Variants in CSMD1 observed in about 807,000 individuals in gnomAD.
CSMD1 encodes CUB and sushi domain-containing protein 1.
In CSMD1, 213 loss-of-function variants were observed where a neutral mutation model predicts 417.5. That is an observed-to-expected ratio of 0.51 (90% CI 0.46 to 0.57). CSMD1 has a LOEUF of 0.57. CSMD1 is among the 20% of genes least tolerant of loss of function. CSMD1 has a pLI of 0.00. For missense variants in CSMD1, 6,923 were observed against 4,529.7 expected, an observed-to-expected ratio of 1.53 and a Z score of -15.17; for synonymous variants, 2,862 against 1,736.8, an observed-to-expected ratio of 1.65 and a Z score of -16.11.
At chr8:4,008,583 ATTTTCTTTCTTTTTTTC>A (rs1410598470) in intron 4 of CSMD1, among the ~76,000 whole-genome samples, 19 of 90,436 alleles carry the variant, frequency 2.1e-4, no homozygotes, top group African/African-American at 7.6e-4. Context: ...ATGATTCAGT[ATTTTCTTTCTTTTTTTC>A]TTTTTTTTTT....
intron 3 of CSMD1, among the ~76,000 whole-genome samples, chr8:4,369,772 T>C (rs1802295145): frequency 6.6e-6 from 1 of 152,206 alleles, no homozygotes; most frequent in Non-Finnish European, 1.5e-5. Context: ...TTTGTTCATT[T>C]TCTGTTTGCC....
At chr8:3,818,129 A>G (rs1205398942) in intron 5 of CSMD1, among the ~76,000 whole-genome samples, 1 of 152,074 alleles carries the variant, frequency 6.6e-6, no homozygotes, top group African/African-American at 2.4e-5. Flanking sequence ...GGACCCAAAG[A>G]GAGTTTCAGC....
intron 1 of CSMD1, among the ~76,000 whole-genome samples, chr8:4,898,743 T>A (rs147587412): frequency 6.6e-6 from 1 of 152,306 alleles, no homozygotes; most frequent in East Asian, 1.9e-4. Flanking sequence ...CTGACTTTCA[T>A]GTAAATTTAG....
chr8:3,077,582 C>T (rs1385766351), intron 49 of CSMD1, among the ~76,000 whole-genome samples: 2 of 152,200 alleles, frequency 1.3e-5, no homozygotes, highest in African/African-American at 4.8e-5. Flanking sequence ...GAATTGTTTG[C>T]TTATTTTTCC....
intron 3 of CSMD1, among the ~76,000 whole-genome samples, chr8:4,121,178 G>C (rs527626509): frequency 6.6e-6 from 1 of 151,952 alleles, no homozygotes; most frequent in African/African-American, 2.4e-5. Flanking sequence ...GCAATGGCAC[G>C]ATCTTAGCTC....
intron 54 of CSMD1, among the ~76,000 whole-genome samples, chr8:2,983,950 T>C (rs1805638874): frequency 1.3e-5 from 2 of 152,158 alleles, no homozygotes; most frequent in Non-Finnish European, 2.9e-5. Context: ...TATGTGAAAT[T>C]AAAAATTAAT....
At chr8:4,362,852 A>T (rs1801850413) in intron 3 of CSMD1, among the ~76,000 whole-genome samples, 1 of 152,210 alleles carries the variant, frequency 6.6e-6, no homozygotes, top group African/African-American at 2.4e-5. Flanking sequence ...ATTGGTTATC[A>T]GGGTCTCTAT....
rs114905948 is a variant in CSMD1 at position 4,717,018 on chromosome 8, C to A, written c.86-79460G>T. On this transcript the variant is annotated intron_variant, in intron 1 of 69. Coordinates refer to ENST00000635120, the MANE Select transcript of CSMD1 (RefSeq NM_033225.6). ...ATAGAAGCCTGGGTTGATGAGGACA[C>A]ATTTTCTCCTCTTTATTCCTGAATA... Among the ~76,000 whole-genome samples, 1,010 of 152,030 alleles carry A rather than the reference C, an allele frequency of 6.6e-3. 13 individuals are homozygous for A. Among genetic ancestry groups the A allele is most frequent in the African/African-American group, 0.024 (976 of 41,460 alleles).
intron 1 of CSMD1, among the ~76,000 whole-genome samples, chr8:4,947,377 G>C (rs191584568): frequency 6.6e-6 from 1 of 151,958 alleles, no homozygotes; most frequent in South Asian, 2.1e-4. Context: ...TAATTAATGG[G>C]AAATTCCCTA....
At chr8:4,608,802 C>T (rs1001951813) in intron 2 of CSMD1, among the ~76,000 whole-genome samples, 1 of 152,122 alleles carries the variant, frequency 6.6e-6, no homozygotes, top group African/African-American at 2.4e-5. Flanking sequence ...GTGTGATACA[C>T]ATGATAAGCA....
At chr8:4,948,654 T>G (rs58103875) in intron 1 of CSMD1, among the ~76,000 whole-genome samples, 10,618 of 152,158 alleles carry the variant, frequency 0.07, 571 homozygotes, top group East Asian at 0.24. Context: ...TATAAATATG[T>G]TGCTAGGTTG....
At chr8:4,092,313 C>T (rs755593697) in intron 3 of CSMD1, among the ~76,000 whole-genome samples, 1 of 152,138 alleles carries the variant, frequency 6.6e-6, no homozygotes, top group African/African-American at 2.4e-5. Context: ...TTCCTGGCTT[C>T]GTCCTTTCCT....
chr8:3,673,670 C>T (rs948257721), intron 7 of CSMD1, among the ~76,000 whole-genome samples: 1 of 152,186 alleles, frequency 6.6e-6, no homozygotes, highest in Admixed American at 6.5e-5. Flanking sequence ...ACGGTGTGAG[C>T]TATTTTTAAC....
At position 3,978,320 on chromosome 8, in the gene CSMD1, C is replaced by T. The variant is rs560422533; in HGVS notation, c.818+19583G>A. 3.9e-5 allele frequency among the ~76,000 whole-genome samples: 6 copies of T among 152,340 alleles called. No individual in the cohort carries two copies. The East Asian group carries it at 1.2e-3, about 29-fold the overall frequency. ...AACCCCACAAAAACAACTGTTCCCACATGGCTCTCTTTTTTCCTTTTTGGT... is the reference window on the plus strand; with the variant it reads ...AACCCCACAAAAACAACTGTTCCCATATGGCTCTCTTTTTTCCTTTTTGGT... On this transcript the variant is annotated intron_variant, in intron 5 of 69. Transcript: ENST00000635120.
chr8:4,946,326 C>T (rs1008352396), intron 1 of CSMD1, among the ~76,000 whole-genome samples: 1 of 152,094 alleles, frequency 6.6e-6, no homozygotes, highest in Non-Finnish European at 1.5e-5. Context: ...CTAACTGAAA[C>T]CTTAAAACAA....
intron 3 of CSMD1, among the ~76,000 whole-genome samples, chr8:4,290,429 T>G (rs1447121874): frequency 6.6e-6 from 1 of 152,202 alleles, no homozygotes; most frequent in African/African-American, 2.4e-5. Flanking sequence ...ACATGAGATT[T>G]GAACTTCCAT....
intron 23 of CSMD1, among the ~76,000 whole-genome samples, chr8:3,342,113 A>C (rs1807697938): frequency 6.6e-6 from 1 of 152,220 alleles, no homozygotes; most frequent in Non-Finnish European, 1.5e-5. Context: ...CTTTCTATTT[A>C]CTCAGTCTTT....
intron 1 of CSMD1, among the ~76,000 whole-genome samples, chr8:4,638,523 T>A (rs986635995): frequency 2.0e-5 from 3 of 152,150 alleles, no homozygotes; most frequent in Non-Finnish European, 4.4e-5. Context: ...ACATCCTCAC[T>A]ATTGATGTCT....
At chr8:4,666,354 G>A (rs943727165) in intron 1 of CSMD1, among the ~76,000 whole-genome samples, 1 of 152,178 alleles carries the variant, frequency 6.6e-6, no homozygotes, top group African/African-American at 2.4e-5. Context: ...TAACATGGAA[G>A]AGGGAGGCAG....
Sources: allele counts gnomAD v4.1 joint callset (sites outside exome capture counted in the v4.1 genomes callset), GRCh38; gene constraint gnomAD v4.1.1; transcripts MANE v1.5; gene names NCBI Gene and HGNC (gene_info 2026-07-23, HGNC 2026-07-21).